ATP1B1: variants seen among roughly 807,000 people sequenced by gnomAD.
The protein encoded by ATP1B1 is sodium/potassium-transporting ATPase subunit beta-1.
Under a neutral mutation model 39.6 loss-of-function variants are expected in ATP1B1, and 3 were observed. The ratio of observed to expected loss-of-function variants is 0.08; its 90% CI spans 0.03 to 0.20. The LOEUF is 0.20. ATP1B1 is among the 10% of genes least tolerant of loss of function. The probability of loss-of-function intolerance (pLI) is 1.00; values close to 1 mark genes in which losing one functional copy is unlikely to be tolerated. For missense variants in ATP1B1, 216 were observed against 371.1 expected, an observed-to-expected ratio of 0.58 and a Z score of 3.43; for synonymous variants, 139 against 135.0, an observed-to-expected ratio of 1.03 and a Z score of -0.20.
chr1:169,108,704 GAGAA>G (rs1314009930), intron 1 of ATP1B1, among the ~76,000 whole-genome samples: 3 of 152,226 alleles, frequency 2.0e-5, no homozygotes, highest in African/African-American at 4.8e-5. Flanking sequence ...CCATGAGAGA[GAGAA>G]AGAGAGACCG....
chr1:169,119,513 C>CAT (rs1269276558), intron 2 of ATP1B1, among the ~76,000 whole-genome samples: 4 of 152,136 alleles, frequency 2.6e-5, no homozygotes, highest in Admixed American at 2.6e-4. Flanking sequence ...TGTCCAGAGT[C>CAT]ATAACTAACA....
chr1:169,113,643 C>T (rs946722024), intron 2 of ATP1B1, among the ~76,000 whole-genome samples: 3 of 152,158 alleles, frequency 2.0e-5, no homozygotes, highest in African/African-American at 7.2e-5. Flanking sequence ...CAGTCCTTTC[C>T]AACACCCTCT....
In ATP1B1 at chr1:169,111,275, A is replaced by G. The variant is rs986445612; in HGVS notation, c.98-95A>G. ...AAGGAAGAAATCATGGGACCGGGGG[A>G]ACCAGGAAGGAAGCTTGTTCATCCG... On this transcript the variant is annotated intron_variant, in intron 1 of 5. Transcript: ENST00000367815. 4.6e-6 allele frequency: 7 copies of G among 1,517,782 alleles called. No homozygotes were observed. In the Middle Eastern group the frequency reaches 7.1e-4, roughly 155 times the overall value. The allele number at this position is 1,517,782 out of a possible 1,614,324, so 94.0% of individuals were successfully genotyped here.
chr1:169,113,641 T>C (rs1393383565), intron 2 of ATP1B1, among the ~76,000 whole-genome samples: 1 of 152,178 alleles, frequency 6.6e-6, no homozygotes, highest in Non-Finnish European at 1.5e-5. Flanking sequence ...CTCAGTCCTT[T>C]CCAACACCCT....
At chr1:169,127,189 C>T (rs1658105533) in intron 3 of ATP1B1, 35 bp from the exon 4 acceptor site, 1 of 1,543,620 alleles carries the variant, frequency 6.5e-7, no homozygotes, top group Non-Finnish European at 8.7e-7. Flanking sequence ...AAGGGAATTG[C>T]TGGTACAATA....
chr1:169,118,296 A>C (rs946519390), intron 2 of ATP1B1, among the ~76,000 whole-genome samples: 3 of 152,218 alleles, frequency 2.0e-5, no homozygotes, highest in Admixed American at 6.5e-5. Flanking sequence ...GTTGGTAAAC[A>C]TCCAGATTGG....
chr1:169,122,240 T>G (rs1480034019), intron 2 of ATP1B1, among the ~76,000 whole-genome samples: 1 of 152,142 alleles, frequency 6.6e-6, no homozygotes, highest in African/African-American at 2.4e-5. Context: ...GACTCCAGGA[T>G]TCTCCCATTC....
intron 3 of ATP1B1, among the ~76,000 whole-genome samples, chr1:169,126,937 A>G (rs142850864): frequency 1.3e-5 from 2 of 152,352 alleles, no homozygotes; most frequent in African/African-American, 4.8e-5. Flanking sequence ...CCATTATTTA[A>G]AAGAAGGGAA....
At chr1:169,129,747 A>T (rs551084729) in intron 4 of ATP1B1, among the ~76,000 whole-genome samples, 1 of 152,242 alleles carries the variant, frequency 6.6e-6, no homozygotes, top group African/African-American at 2.4e-5. Flanking sequence ...GCTACTATTA[A>T]AAGTTCCATT....
intron 3 of ATP1B1, 68 bp downstream of exon 3, chr1:169,125,107 A>G (rs1292002949): frequency 8.1e-6 from 12 of 1,487,382 alleles, no homozygotes; most frequent in Middle Eastern, 1.8e-4. Flanking sequence ...TCCCACTTCT[A>G]TTTTTTGTTT....
At chr1:169,126,895 TCTC>T (rs1013798440) in intron 3 of ATP1B1, among the ~76,000 whole-genome samples, 2 of 152,222 alleles carry the variant, frequency 1.3e-5, no homozygotes, top group African/African-American at 2.4e-5. Flanking sequence ...GTGTGATCCG[TCTC>T]CTTTCAGTCT....
chr1:169,117,757 T>C (rs572617621), intron 2 of ATP1B1, among the ~76,000 whole-genome samples: 1 of 152,198 alleles, frequency 6.6e-6, no homozygotes, highest in Admixed American at 6.5e-5. Flanking sequence ...ATGCTAGTAA[T>C]CTGATGACCA....
In ATP1B1 at chr1:169,107,025, C is replaced by T. The variant is rs1048419055; in HGVS notation, c.97+99C>T. The T allele has an allele frequency of 6.7e-6, 8 of 1,197,084 alleles. No homozygotes were observed. The African/African-American group carries it at 1.3e-4, about 20-fold the overall frequency. 74.2% of individuals were successfully genotyped at this position (1,197,084 alleles called of 1,614,324 possible). ...CGCGGCCGGTTCCGCACCCACCGCGCTGGCCGGGGTGGCGGGGGCGAGGGT... is the reference window on the plus strand; with the variant it reads ...CGCGGCCGGTTCCGCACCCACCGCGTTGGCCGGGGTGGCGGGGGCGAGGGT... On this transcript the variant is annotated intron_variant, in intron 1 of 5. Transcript: ENST00000367815.
At chr1:169,107,002 C>G (rs1657607607) in intron 1 of ATP1B1, 76 bp downstream of exon 1, 1 of 1,395,042 alleles carries the variant, frequency 7.2e-7, no homozygotes, top group Non-Finnish European at 9.7e-7. Flanking sequence ...GCAGGGTCCG[C>G]GGCCGGTTCC....
At chr1:169,107,068 C>A (rs1644714071) in intron 1 of ATP1B1, 142 bp downstream of exon 1, 2 of 747,832 alleles carry the variant, frequency 2.7e-6, no homozygotes, top group Non-Finnish European at 4.1e-6. Flanking sequence ...GCTGCTGGGT[C>A]GCGCCGGCCT....
At chr1:169,110,788 C>G in intron 1 of ATP1B1, 1 of 834,480 alleles carries the variant, frequency 1.2e-6, no homozygotes, top group East Asian at 6.8e-5. Flanking sequence ...GTTGATAATA[C>G]AAACCAAAGG....
Position 169,106,751 on chromosome 1 carries a change from G to T in ATP1B1, c.-79G>T, listed in dbSNP as rs1048469465. The T allele has an allele frequency of 1.7e-6, 2 of 1,189,656 alleles. No homozygotes were observed. The highest frequency in any genetic ancestry group is 3.1e-5 in the East Asian group (1 of 32,442). The allele number at this position is 1,189,656 out of a possible 1,614,324, so 73.7% of individuals were successfully genotyped here. On this transcript the variant is annotated 5_prime_UTR_variant, in exon 1 of 6. Transcript: ENST00000367815. Reference sequence around the variant, plus strand: ...TGCAGAGAGCCAGGCCGGAGAAGCCGAGCGGCGCAGAGGACGCCAGGGCGC... The same window carrying T: ...TGCAGAGAGCCAGGCCGGAGAAGCCTAGCGGCGCAGAGGACGCCAGGGCGC...
In ATP1B1 at chr1:169,131,157, A is replaced by G. The variant is rs1268704590; in HGVS notation, c.649-135A>G. 6 of 1,150,912 alleles carry G rather than the reference A, an allele frequency of 5.2e-6. No homozygotes were observed. The highest frequency in any genetic ancestry group is 7.4e-6 in the Non-Finnish European group (6 of 810,180). The allele number at this position is 1,150,912 out of a possible 1,614,324, so 71.3% of individuals were successfully genotyped here. A position where few individuals can be genotyped will look rare whatever the true frequency, so the allele number is the denominator to read the frequency against. ...CTTATGACCATTTCTCAAGGCTGCAATGGAATAGACTGAGTAGATGTTCTT... is the reference window on the plus strand; with the variant it reads ...CTTATGACCATTTCTCAAGGCTGCAGTGGAATAGACTGAGTAGATGTTCTT... On this transcript the variant is annotated intron_variant, in intron 5 of 5. Transcript: ENST00000367815. The surrounding 1 kb of genome is among the most constrained non-coding windows in gnomAD (Gnocchi z 4.4).
At chr1:169,119,302 A>G (rs1225638921) in intron 2 of ATP1B1, among the ~76,000 whole-genome samples, 1 of 152,240 alleles carries the variant, frequency 6.6e-6, no homozygotes, top group African/African-American at 2.4e-5. Flanking sequence ...TTAATGATAT[A>G]TAGCTTAAGG....
Sources: allele counts gnomAD v4.1 joint callset (sites outside exome capture counted in the v4.1 genomes callset), GRCh38; gene constraint gnomAD v4.1.1; non-coding constraint Gnocchi (gnomAD v3.1); transcripts MANE v1.5; gene names NCBI Gene and HGNC (gene_info 2026-07-23, HGNC 2026-07-21).